The following DOCK4 variants were observed in gnomAD, a reference collection of about 807,000 sequenced individuals.
DOCK4 encodes dedicator of cytokinesis 4.
A neutral mutation model predicts 268.1 loss-of-function variants in DOCK4; 97 were observed. That is an observed-to-expected ratio of 0.36 (90% confidence interval 0.31 to 0.43). The LOEUF (loss-of-function observed/expected upper bound fraction) is 0.43, where lower values mean the gene tolerates loss of function less well. DOCK4 is among the 20% of genes least tolerant of loss of function. The pLI, the probability that DOCK4 is intolerant of heterozygous loss-of-function variation, is 1.00. For missense variants in DOCK4, 2,145 were observed against 2,455.7 expected (o/e 0.87, Z 2.67); for synonymous variants, 954 against 887.2 (o/e 1.08, Z -1.34).
intron 14 of DOCK4, 77 bp downstream of exon 14, chr7:111,901,600 T>C: frequency 1.4e-6 from 2 of 1,401,588 alleles, no homozygotes; most frequent in South Asian, 1.4e-5. Flanking sequence ...AATCAGAAAA[T>C]AACTGATCAC....
chr7:111,760,844 G>T (rs925168435), intron 39 of DOCK4, among the ~76,000 whole-genome samples: 2 of 150,238 alleles, frequency 1.3e-5, no homozygotes, highest in African/African-American at 4.9e-5. Context: ...TCTGAGGTAG[G>T]TTAAGACAGC....
chr7:111,744,190 A>T (rs1796116143), intron 44 of DOCK4, among the ~76,000 whole-genome samples: 1 of 152,140 alleles, frequency 6.6e-6, no homozygotes, highest in South Asian at 2.1e-4. Flanking sequence ...CCTTGGGCCA[A>T]GTGGCTCTCT....
chr7:112,194,645 A>G (rs571019024), intron 1 of DOCK4, among the ~76,000 whole-genome samples: 1 of 152,374 alleles, frequency 6.6e-6, no homozygotes, highest in Non-Finnish European at 1.5e-5. Context: ...TGTTTGGCTT[A>G]TAGAAGAACT....
At chr7:111,741,967 C>A (rs745974382) in intron 45 of DOCK4, 46 bp downstream of exon 45, 1 of 1,516,030 alleles carries the variant, frequency 6.6e-7, no homozygotes, top group Admixed American at 2.3e-5. Context: ...AACAAGCAAA[C>A]GGCAGTGATC....
chr7:112,140,235 T>C (rs900440269), intron 1 of DOCK4, among the ~76,000 whole-genome samples: 16 of 152,160 alleles, frequency 1.1e-4, no homozygotes, highest in African/African-American at 3.6e-4. Flanking sequence ...CACAAGGCTG[T>C]ATGCTCTCCC....
At chr7:111,919,340 C>A (rs1792904128) in intron 12 of DOCK4, among the ~76,000 whole-genome samples, 1 of 151,862 alleles carries the variant, frequency 6.6e-6, no homozygotes, top group Admixed American at 6.6e-5. Flanking sequence ...CTCTAGAGAG[C>A]AAGGGCCACA....
chr7:111,735,241 G>C (rs2133389872), intron 50 of DOCK4, 74 bp from the exon 51 acceptor site: 1 of 1,008,758 alleles, frequency 9.9e-7, no homozygotes, highest in East Asian at 2.7e-5. Flanking sequence ...TTAGAAGAAA[G>C]TCAGAATTAT....
chr7:112,039,373 T>C (rs977779479), intron 1 of DOCK4, among the ~76,000 whole-genome samples: 1 of 122,318 alleles, frequency 8.2e-6, no homozygotes, highest in African/African-American at 3.1e-5. Flanking sequence ...GGATTTCATA[T>C]GGGGGGGGGG....
intron 15 of DOCK4, among the ~76,000 whole-genome samples, chr7:111,896,835 T>A (rs1000908776): frequency 3.9e-5 from 6 of 152,146 alleles, no homozygotes; most frequent in Non-Finnish European, 7.4e-5. Context: ...GTCCCTAATA[T>A]GAGGACATCC....
At chr7:112,152,321 A>G (rs1816169462) in intron 1 of DOCK4, among the ~76,000 whole-genome samples, 4 of 152,214 alleles carry the variant, frequency 2.6e-5, no homozygotes, top group Admixed American at 2.6e-4. Flanking sequence ...AATATTAACA[A>G]ACAGACTTAA....
intron 50 of DOCK4, among the ~76,000 whole-genome samples, chr7:111,735,631 C>G (rs1795422301): frequency 6.6e-6 from 1 of 152,184 alleles, no homozygotes; most frequent in African/African-American, 2.4e-5. Flanking sequence ...TCATTGATAA[C>G]TCTTTCTGAA....
rs562365193 is a variant in DOCK4, at chr7:111,963,203, G to C, written c.701+13929C>G. ...AAAAATTTACTGTCTAGGAGGAGGA[G>C]CCAAGATGGCCGAATAGGAACAGCT... On this transcript the variant is annotated intron_variant, in intron 8 of 52. Coordinates refer to ENST00000428084, the MANE Select transcript of DOCK4 (RefSeq NM_001363540.2). Among the ~76,000 whole-genome samples the C allele has an allele frequency of 7.9e-5, 12 of 152,250 alleles. No homozygotes were observed. The South Asian group carries it at 2.5e-3, about 32-fold the overall frequency.
At chr7:111,742,345 T>TG (rs1795973051) in intron 44 of DOCK4, among the ~76,000 whole-genome samples, 1 of 152,216 alleles carries the variant, frequency 6.6e-6, no homozygotes, top group African/African-American at 2.4e-5. Flanking sequence ...GATTAGAACT[T>TG]GGTTCTGATT....
At chr7:111,778,192 T>G in intron 36 of DOCK4, 84 bp downstream of exon 36, 1 of 916,392 alleles carries the variant, frequency 1.1e-6, no homozygotes. Context: ...CTTGAGTCTT[T>G]CCACTCTAAT....
At chr7:111,783,252 C>T (rs1798912259) in intron 34 of DOCK4, among the ~76,000 whole-genome samples, 1 of 152,122 alleles carries the variant, frequency 6.6e-6, no homozygotes, top group South Asian at 2.1e-4. Context: ...TGTTATTGTA[C>T]ACTTCCTACA....
intron 1 of DOCK4, among the ~76,000 whole-genome samples, chr7:112,045,492 T>C (rs957549114): frequency 4.6e-5 from 7 of 152,216 alleles, no homozygotes; most frequent in African/African-American, 1.7e-4. Flanking sequence ...TGTATTAATA[T>C]CTGGCACATA....
At chr7:111,955,015 A>C (rs1329909126) in intron 8 of DOCK4, among the ~76,000 whole-genome samples, 1 of 152,194 alleles carries the variant, frequency 6.6e-6, no homozygotes, top group Non-Finnish European at 1.5e-5. Flanking sequence ...GTTTTTACCC[A>C]AAAGCCCTAG....
intron 25 of DOCK4, among the ~76,000 whole-genome samples, chr7:111,838,641 G>A (rs547191394): frequency 6.6e-6 from 1 of 152,176 alleles, no homozygotes; most frequent in African/African-American, 2.4e-5. Flanking sequence ...TCTAAAAAAT[G>A]TAAACTTATG....
chr7:111,861,785 A>G (rs1007050321), intron 23 of DOCK4, among the ~76,000 whole-genome samples: 2 of 150,924 alleles, frequency 1.3e-5, no homozygotes, highest in Admixed American at 6.6e-5. Context: ...TTAATAAAAA[A>G]AACACTCCAA....
Sources: allele counts gnomAD v4.1 joint callset (sites outside exome capture counted in the v4.1 genomes callset), GRCh38; gene constraint gnomAD v4.1.1; transcripts MANE v1.5; gene names NCBI Gene and HGNC (gene_info 2026-07-23, HGNC 2026-07-21).